Variants in ZNF804B observed in about 807,000 individuals in gnomAD.
ZNF804B encodes zinc finger 804B.
In ZNF804B, 80 loss-of-function variants were observed where a neutral mutation model predicts 101.4. The observed-to-expected ratio is 0.79, with a 90% CI of 0.66 to 0.95. The LOEUF (loss-of-function observed/expected upper bound fraction) is 0.95, where lower values mean the gene tolerates loss of function less well. Ranked by LOEUF, ZNF804B falls within the 40% of genes least tolerant of loss-of-function variation. The probability of loss-of-function intolerance (pLI) is 0.00; values close to 1 mark genes in which losing one functional copy is unlikely to be tolerated. For missense variants in ZNF804B, 1,673 were observed against 1,561.9 expected (o/e 1.07, Z -1.20); for synonymous variants, 622 against 558.8 (o/e 1.11, Z -1.59).
At chr7:88,979,918 C>A (rs962990261) in intron 1 of ZNF804B, among the ~76,000 whole-genome samples, 4 of 146,032 alleles carry the variant, frequency 2.7e-5, no homozygotes, top group African/African-American at 5.0e-5. Context: ...TTTTTTTCTT[C>A]TTTTTCCTCT....
At chr7:88,832,690 C>A (rs1194715948) in intron 1 of ZNF804B, among the ~76,000 whole-genome samples, 2 of 151,796 alleles carry the variant, frequency 1.3e-5, no homozygotes, top group African/African-American at 4.8e-5. Flanking sequence ...AATTGTTTGG[C>A]CGAAGATGTG....
intron 1 of ZNF804B, among the ~76,000 whole-genome samples, chr7:88,874,684 C>T (rs1056831669): frequency 3.9e-5 from 6 of 151,976 alleles, no homozygotes; most frequent in South Asian, 2.1e-4. Flanking sequence ...GCATGAAGGG[C>T]TGTTGAATTT....
At chr7:88,926,407 C>T (rs377381938) in intron 1 of ZNF804B, among the ~76,000 whole-genome samples, 6 of 141,994 alleles carry the variant, frequency 4.2e-5, no homozygotes, top group African/African-American at 1.6e-4. Context: ...GTCAACATGG[C>T]GAAACCCCAT....
chr7:88,830,645 C>T (rs748724442), intron 1 of ZNF804B, among the ~76,000 whole-genome samples: 2 of 151,814 alleles, frequency 1.3e-5, no homozygotes, highest in African/African-American at 4.8e-5. Flanking sequence ...AACCAGAATA[C>T]AGTGATCAGA....
intron 1 of ZNF804B, among the ~76,000 whole-genome samples, chr7:89,194,118 G>C (rs1195803996): frequency 6.6e-6 from 1 of 151,776 alleles, no homozygotes; most frequent in African/African-American, 2.4e-5. Flanking sequence ...CTTCTTTTCA[G>C]AAGTGTCTGT....
At chr7:89,017,066 A>G (rs368729844) in intron 1 of ZNF804B, among the ~76,000 whole-genome samples, 127 of 152,082 alleles carry the variant, frequency 8.4e-4, no homozygotes, top group East Asian at 2.5e-3. Flanking sequence ...CTTGTAAGTT[A>G]GATTCCTAGG....
intron 1 of ZNF804B, among the ~76,000 whole-genome samples, chr7:88,994,995 AT>A (rs1467510808): frequency 6.6e-6 from 1 of 152,166 alleles, no homozygotes; most frequent in East Asian, 1.9e-4. Context: ...AGATTGTTTG[AT>A]TTTGTTGTTA....
chr7:88,790,324 G>A (rs559719355), intron 1 of ZNF804B, among the ~76,000 whole-genome samples: 17 of 151,746 alleles, frequency 1.1e-4, no homozygotes, highest in South Asian at 4.2e-4. Context: ...GATTTTTTAC[G>A]TAGGTAAATG....
At chr7:88,928,931 T>C (rs1792844821) in intron 1 of ZNF804B, among the ~76,000 whole-genome samples, 1 of 152,078 alleles carries the variant, frequency 6.6e-6, no homozygotes, top group Non-Finnish European at 1.5e-5. Context: ...ATGACACTTA[T>C]TTTGGACAGT....
chr7:88,870,284 C>G (rs574750552), intron 1 of ZNF804B, among the ~76,000 whole-genome samples: 1 of 148,122 alleles, frequency 6.8e-6, no homozygotes, highest in South Asian at 2.1e-4. Context: ...ACACGGGAGG[C>G]TGAGGCAGGA....
intron 1 of ZNF804B, among the ~76,000 whole-genome samples, chr7:89,059,589 A>G (rs1789345590): frequency 1.3e-5 from 2 of 152,190 alleles, no homozygotes; most frequent in Non-Finnish European, 1.5e-5. Flanking sequence ...CCCCATCTCC[A>G]GGACCAAAGA....
intron 2 of ZNF804B, among the ~76,000 whole-genome samples, chr7:89,260,705 G>A (rs1789700874): frequency 6.6e-6 from 1 of 152,108 alleles, no homozygotes. Context: ...AAAACAGTAA[G>A]ATTTTGTGTC....
rs529287244 is a variant in ZNF804B, at chr7:88,995,819, G to A, written c.109-222336G>A. On this transcript the variant is annotated intron_variant, in intron 1 of 3. Transcript: ENST00000333190. Reference sequence around the variant, plus strand: ...CTATAATATATGCCTTTGTTATGTTGTTATGAGAATTTTTACCTCTGTTGT... The same window carrying A: ...CTATAATATATGCCTTTGTTATGTTATTATGAGAATTTTTACCTCTGTTGT... 4.1e-4 allele frequency among the ~76,000 whole-genome samples: 63 copies of A among 152,102 alleles called. 1 individual carries two copies. Among genetic ancestry groups the A allele is most frequent in the South Asian group, 1.7e-3 (8 of 4,824 alleles).
Position 88,909,503 on chromosome 7 carries a change from C to T in ZNF804B, c.108+149419C>T, listed in dbSNP as rs574351246. 2.6e-5 allele frequency among the ~76,000 whole-genome samples: 4 copies of T among 151,872 alleles called. No individual in the cohort carries two copies. In the East Asian group the frequency reaches 5.8e-4, roughly 22 times the overall value. On this transcript the variant is annotated intron_variant, in intron 1 of 3. Transcript: ENST00000333190. ...AAATCTTCCTCTTTGTTTTTCTTCT[C>T]CTAAAATTACAGAGCAGACTTCATT... is the stretch of plus-strand genomic sequence containing the variant.
intron 2 of ZNF804B, among the ~76,000 whole-genome samples, chr7:89,286,520 T>G (rs1790199051): frequency 6.6e-6 from 1 of 152,152 alleles, no homozygotes; most frequent in Admixed American, 6.5e-5. Context: ...AATGACAAAA[T>G]AGACTGTGAA....
At chr7:88,994,894 C>A (rs903104236) in intron 1 of ZNF804B, among the ~76,000 whole-genome samples, 2 of 152,040 alleles carry the variant, frequency 1.3e-5, no homozygotes, top group African/African-American at 2.4e-5. Flanking sequence ...GAGAGGAAAT[C>A]AACCATAAAA....
chr7:89,321,466 G>A (rs1432992419), intron 2 of ZNF804B, among the ~76,000 whole-genome samples: 6 of 151,988 alleles, frequency 3.9e-5, no homozygotes, highest in African/African-American at 7.2e-5. Context: ...GCAACAGAGC[G>A]AGACCCCATC....
intron 1 of ZNF804B, among the ~76,000 whole-genome samples, chr7:89,019,693 T>C (rs1003228907): frequency 2.6e-5 from 4 of 152,062 alleles, no homozygotes; most frequent in African/African-American, 9.6e-5. Context: ...TTATATCCTC[T>C]TACTGAATTG....
rs1393861926 is a variant in ZNF804B, at chr7:88,981,080, C to T, written c.108+220996C>T. On this transcript the variant is annotated intron_variant, in intron 1 of 3. Transcript: ENST00000333190. ...CTTTCCTCAAATAGGAGTCTCTTCT[C>T]ATAGCCACCACAGTAGGAATGTGCT... 6.6e-5 allele frequency among the ~76,000 whole-genome samples: 10 copies of T among 152,164 alleles called. No individual in the cohort carries two copies. The East Asian group carries it at 2.0e-3, about 30-fold the overall frequency.
Sources: allele counts gnomAD v4.1 joint callset (sites outside exome capture counted in the v4.1 genomes callset), GRCh38; gene constraint gnomAD v4.1.1; transcripts MANE v1.5; gene names NCBI Gene and HGNC (gene_info 2026-07-23, HGNC 2026-07-21).